The following HERC4 variants were observed in gnomAD, a reference collection of about 807,000 sequenced individuals.
The protein encoded by HERC4 is probable E3 ubiquitin-protein ligase HERC4.
Under a neutral mutation model 124.3 loss-of-function variants are expected in HERC4, and 28 were observed. The ratio of observed to expected loss-of-function variants is 0.23; its 90% CI spans 0.17 to 0.31. The LOEUF (loss-of-function observed/expected upper bound fraction) is 0.31. HERC4 is among the 10% of genes least tolerant of loss of function. The pLI, the probability that HERC4 is intolerant of heterozygous loss-of-function variation, is 1.00. For synonymous variants in HERC4, 407 were observed against 421.5 expected, an observed-to-expected ratio of 0.97 and a Z score of 0.42; for missense variants, 713 against 1,229.3, an observed-to-expected ratio of 0.58 and a Z score of 6.28.
chr10:67,982,755 A>G (rs1412906353), intron 15 of HERC4, among the ~76,000 whole-genome samples: 1 of 152,250 alleles, frequency 6.6e-6, no homozygotes, highest in Non-Finnish European at 1.5e-5. Flanking sequence ...AAACAATTCT[A>G]TAGAAAAAAA....
chr10:68,005,328 C>A (rs1331805514), intron 9 of HERC4, among the ~76,000 whole-genome samples: 2 of 152,176 alleles, frequency 1.3e-5, no homozygotes, highest in Admixed American at 6.5e-5. Flanking sequence ...GTCTTGAAAT[C>A]TATTTTGTCT....
chr10:67,953,790 A>T (rs1344124714), intron 19 of HERC4, among the ~76,000 whole-genome samples: 1 of 152,198 alleles, frequency 6.6e-6, no homozygotes, highest in Admixed American at 6.5e-5. Context: ...AACGTGAGGA[A>T]ATTTCTCTAT....
At chr10:67,988,876 T>A (rs764555224) in intron 14 of HERC4, 41 bp from the exon 15 acceptor site, 101 of 1,498,838 alleles carry the variant, frequency 6.7e-5, no homozygotes, top group South Asian at 3.6e-4. Context: ...ATGAATTTTT[T>A]AAAAAATCAC....
At chr10:67,992,556 T>A (rs2036609783) in intron 10 of HERC4, 50 bp downstream of exon 10, 1 of 1,195,208 alleles carries the variant, frequency 8.4e-7, no homozygotes, top group East Asian at 2.4e-5. Context: ...TTTTTAAAAT[T>A]TGTCAAAATT....
At chr10:67,936,103 A>ATGTCTACT in intron 22 of HERC4, 50 bp downstream of exon 22, 2 of 1,203,862 alleles carry the variant, frequency 1.7e-6, no homozygotes, top group Non-Finnish European at 2.4e-6. Context: ...ACAGAAGAAA[A>ATGTCTACT]TGTCTACTGA....
intron 8 of HERC4, among the ~76,000 whole-genome samples, chr10:68,017,627 C>A (rs929120172): frequency 3.3e-5 from 5 of 152,156 alleles, no homozygotes; most frequent in African/African-American, 1.2e-4. Flanking sequence ...GCTGGGATTA[C>A]AGGTGCATGC....
intron 19 of HERC4, among the ~76,000 whole-genome samples, chr10:67,951,294 C>G (rs1246218733): frequency 6.6e-6 from 1 of 152,162 alleles, no homozygotes; most frequent in African/African-American, 2.4e-5. Flanking sequence ...AGACCAGTGC[C>G]AGGAAGGAGG....
intron 4 of HERC4, chr10:68,040,373 G>A (rs2039699591): frequency 2.1e-6 from 2 of 946,776 alleles, no homozygotes; most frequent in African/African-American, 1.8e-5. Flanking sequence ...CCTAAAGAAT[G>A]GGGGATATTG....
At chr10:67,955,272 G>A (rs533795575) in intron 17 of HERC4, 142 bp from the exon 18 acceptor site, 12 of 657,302 alleles carry the variant, frequency 1.8e-5, no homozygotes, top group African/African-American at 1.4e-4. Flanking sequence ...ACAGTATCCC[G>A]TACAGCATAA....
intron 3 of HERC4, among the ~76,000 whole-genome samples, chr10:68,054,110 C>G (rs917873589): frequency 5.3e-5 from 8 of 152,198 alleles, no homozygotes; most frequent in Admixed American, 2.6e-4. Context: ...ACTCAAAACT[C>G]TAAACTAGGG....
At chr10:68,048,226 G>T (rs1413731828) in intron 3 of HERC4, among the ~76,000 whole-genome samples, 1 of 152,112 alleles carries the variant, frequency 6.6e-6, no homozygotes, top group Non-Finnish European at 1.5e-5. Context: ...AGCCCACACA[G>T]AAGTTTCTAG....
At chr10:67,975,674 T>G (rs543904283) in intron 15 of HERC4, among the ~76,000 whole-genome samples, 1 of 152,348 alleles carries the variant, frequency 6.6e-6, no homozygotes, top group Non-Finnish European at 1.5e-5. Context: ...TAACTCACTA[T>G]ATGACTGTCC....
chr10:68,066,739 A>G (rs2041322061), intron 3 of HERC4, among the ~76,000 whole-genome samples: 1 of 152,216 alleles, frequency 6.6e-6, no homozygotes, highest in Non-Finnish European at 1.5e-5. Flanking sequence ...AAGGGGATAT[A>G]TACAATATAT....
intron 16 of HERC4, among the ~76,000 whole-genome samples, chr10:67,958,058 C>T (rs1031139502): frequency 3.3e-5 from 5 of 152,142 alleles, no homozygotes; most frequent in Non-Finnish European, 7.4e-5. Context: ...CCGCCCACCT[C>T]GGCCTCCCAA....
intron 7 of HERC4, among the ~76,000 whole-genome samples, chr10:68,032,429 G>A (rs191547706): frequency 3.4e-4 from 52 of 152,208 alleles, no homozygotes; most frequent in Admixed American, 1.5e-3. Context: ...TGAGCTACAC[G>A]ATATAAATGG....
chr10:67,976,186 T>A (rs188803096), intron 15 of HERC4, among the ~76,000 whole-genome samples: 1 of 152,164 alleles, frequency 6.6e-6, no homozygotes, highest in Non-Finnish European at 1.5e-5. Flanking sequence ...AGAAAAAGTT[T>A]GCAGGTCCTA....
intron 9 of HERC4, among the ~76,000 whole-genome samples, chr10:67,998,549 T>C (rs1211140389): frequency 6.5e-5 from 3 of 46,476 alleles, no homozygotes; most frequent in African/African-American, 1.2e-4. Flanking sequence ...TCCACCTCAA[T>C]TGAAAAAAAA....
At chr10:68,022,414 G>A (rs1034338782) in intron 8 of HERC4, among the ~76,000 whole-genome samples, 7 of 151,964 alleles carry the variant, frequency 4.6e-5, no homozygotes, top group South Asian at 4.2e-4. Flanking sequence ...CAGGAGAATC[G>A]CTTGGTCCCG....
intron 3 of HERC4, among the ~76,000 whole-genome samples, chr10:68,048,357 A>G (rs1349024045): frequency 6.6e-6 from 1 of 152,216 alleles, no homozygotes; most frequent in East Asian, 1.9e-4. Context: ...ATGAGCTACC[A>G]AGCCATGAAA....
Sources: allele counts gnomAD v4.1 joint callset (sites outside exome capture counted in the v4.1 genomes callset), GRCh38; gene constraint gnomAD v4.1.1; transcripts MANE v1.5; gene names NCBI Gene and HGNC (gene_info 2026-07-23, HGNC 2026-07-21).